MAST4: variants seen among roughly 807,000 people sequenced by gnomAD.
MAST4 encodes microtubule-associated serine/threonine-protein kinase 4.
A neutral mutation model predicts 162.7 loss-of-function variants in MAST4; 89 were observed. The ratio of observed to expected loss-of-function variants is 0.55; its 90% CI spans 0.46 to 0.65. MAST4 has a LOEUF of 0.65. MAST4 is among the 30% of genes least tolerant of loss of function. The probability of loss-of-function intolerance (pLI) is 0.00; values close to 1 mark genes in which losing one functional copy is unlikely to be tolerated. For missense variants in MAST4, 3,153 were observed against 3,374.0 expected (o/e 0.93, Z 1.62); for synonymous variants, 1,479 against 1,361.1 (o/e 1.09, Z -1.91).
At chr5:67,076,268 C>G (rs1321579509) in intron 5 of MAST4, among the ~76,000 whole-genome samples, 1 of 152,212 alleles carries the variant, frequency 6.6e-6, no homozygotes, top group Non-Finnish European at 1.5e-5. Flanking sequence ...TCCCTTGGAT[C>G]ACATTCTCTG....
At chr5:66,814,311 C>T (rs1276283753) in intron 3 of MAST4, among the ~76,000 whole-genome samples, 5 of 152,170 alleles carry the variant, frequency 3.3e-5, no homozygotes, top group Admixed American at 2.0e-4. Flanking sequence ...GGGTCATCAA[C>T]GTGGGAGGGA....
chr5:67,066,120 GA>G (rs1398459124), intron 5 of MAST4, among the ~76,000 whole-genome samples: 1 of 151,684 alleles, frequency 6.6e-6, no homozygotes, highest in African/African-American at 2.4e-5. Flanking sequence ...AATTTTGCTT[GA>G]AAAAAATCTG....
intron 7 of MAST4, among the ~76,000 whole-genome samples, chr5:67,097,055 C>T (rs1460789098): frequency 1.3e-5 from 2 of 152,040 alleles, no homozygotes; most frequent in African/African-American, 2.4e-5. Flanking sequence ...TTTATTTCAA[C>T]TCTGTCACCT....
At chr5:67,155,098 A>G (rs1387514584) in intron 26 of MAST4, among the ~76,000 whole-genome samples, 2 of 152,178 alleles carry the variant, frequency 1.3e-5, no homozygotes, top group South Asian at 2.1e-4. Flanking sequence ...CTGCATGACT[A>G]CCTGTATAGT....
At chr5:67,038,329 C>T (rs1407514707) in intron 4 of MAST4, among the ~76,000 whole-genome samples, 1 of 150,576 alleles carries the variant, frequency 6.6e-6, no homozygotes, top group Non-Finnish European at 1.5e-5. Flanking sequence ...TATACAAAGT[C>T]ACTTAACTGA....
intron 3 of MAST4, among the ~76,000 whole-genome samples, chr5:66,813,689 T>C (rs1207481689): frequency 2.0e-5 from 3 of 152,250 alleles, no homozygotes; most frequent in African/African-American, 7.2e-5. Context: ...ATAAAACTGC[T>C]AATTACATGG....
chr5:66,747,020 A>T (rs1022780100), intron 1 of MAST4, among the ~76,000 whole-genome samples: 8 of 151,852 alleles, frequency 5.3e-5, no homozygotes, highest in African/African-American at 1.9e-4. Context: ...GTTGCAATTA[A>T]ATGCCTACAG....
chr5:66,909,617 AG>A (rs1489297713), intron 4 of MAST4, among the ~76,000 whole-genome samples: 1 of 152,192 alleles, frequency 6.6e-6, no homozygotes, highest in Non-Finnish European at 1.5e-5. Flanking sequence ...ACCAAAATTT[AG>A]GGTTCCTAAC....
intron 4 of MAST4, among the ~76,000 whole-genome samples, chr5:67,018,533 G>GA (rs1561538228): frequency 2.6e-5 from 4 of 152,072 alleles, no homozygotes; most frequent in African/African-American, 9.7e-5. Context: ...AAGTCCCTTT[G>GA]ATACTACATA....
rs116042943 is a variant in MAST4 at position 66,683,940 on chromosome 5, G to A, written c.364-75769G>A. Among the ~76,000 whole-genome samples, 602 of 152,316 alleles carry A rather than the reference G, an allele frequency of 4.0e-3. 4 individuals are homozygous for A. Among genetic ancestry groups the A allele is most frequent in the African/African-American group, 0.013 (560 of 41,550 alleles). ...GGATGAAAGAAAAGTTGGAGTGGAG[G>A]GCAGGGGATTGTGCTGTGAAAGTAG... On this transcript the variant is annotated intron_variant, in intron 1 of 28. Transcript: ENST00000403625.
chr5:66,899,685 T>C (rs1379890520), intron 3 of MAST4, among the ~76,000 whole-genome samples: 1 of 152,180 alleles, frequency 6.6e-6, no homozygotes, highest in Non-Finnish European at 1.5e-5. Flanking sequence ...CTCAACTCAG[T>C]ATTTTACTGT....
intron 3 of MAST4, among the ~76,000 whole-genome samples, chr5:66,847,658 C>G (rs1047120116): frequency 1.3e-5 from 2 of 150,744 alleles, no homozygotes; most frequent in Non-Finnish European, 3.0e-5. Flanking sequence ...ACAACAACAA[C>G]AAAAACACAA....
intron 1 of MAST4, among the ~76,000 whole-genome samples, chr5:66,666,861 G>T (rs1193355764): frequency 6.6e-6 from 1 of 152,222 alleles, no homozygotes; most frequent in Non-Finnish European, 1.5e-5. Flanking sequence ...GGGGCCAGGT[G>T]AGTAAACAGG....
At chr5:67,008,600 AT>A (rs1373875361) in intron 4 of MAST4, among the ~76,000 whole-genome samples, 1 of 152,166 alleles carries the variant, frequency 6.6e-6, no homozygotes, top group Non-Finnish European at 1.5e-5. Flanking sequence ...TCATGTTTTC[AT>A]TTTGCTTAAT....
rs147660063 is a variant in MAST4 at position 66,885,818 on chromosome 5, G to A, written c.643-14133G>A. 2.2e-3 allele frequency among the ~76,000 whole-genome samples: 337 copies of A among 152,212 alleles called. 1 individual carries two copies. The highest frequency in any genetic ancestry group is 7.2e-3 in the African/African-American group (301 of 41,520). On this transcript the variant is annotated intron_variant, in intron 3 of 28. Transcript: ENST00000403625. ...ATACATCAGCATAACTACCTATTAC[G>A]TAGATGAGTAATTTATACTTCCAAA... is the stretch of plus-strand genomic sequence containing the variant.
chr5:66,660,537 G>A (rs1746838827), intron 1 of MAST4, among the ~76,000 whole-genome samples: 1 of 152,146 alleles, frequency 6.6e-6, no homozygotes, highest in African/African-American at 2.4e-5. Flanking sequence ...ACCATAACCG[G>A]GACTTACTTA....
chr5:67,151,248 C>G (rs1771772274), intron 24 of MAST4, among the ~76,000 whole-genome samples: 1 of 152,202 alleles, frequency 6.6e-6, no homozygotes, highest in Non-Finnish European at 1.5e-5. Context: ...ATTTGTTGAT[C>G]ACAGTTCTAG....
chr5:66,883,337 C>G (rs1014200178), intron 3 of MAST4, among the ~76,000 whole-genome samples: 10 of 150,716 alleles, frequency 6.6e-5, no homozygotes, highest in African/African-American at 2.2e-4. Context: ...TTCAAGGAGA[C>G]TAGGAAATTT....
chr5:66,996,823 C>A (rs923586453), intron 4 of MAST4, among the ~76,000 whole-genome samples: 12 of 152,310 alleles, frequency 7.9e-5, no homozygotes, highest in Admixed American at 2.6e-4. Context: ...GGACCAACTC[C>A]TCATCTCAAG....
Sources: allele counts gnomAD v4.1 joint callset (sites outside exome capture counted in the v4.1 genomes callset), GRCh38; gene constraint gnomAD v4.1.1; transcripts MANE v1.5; gene names NCBI Gene and HGNC (gene_info 2026-07-23, HGNC 2026-07-21).